OSBPL9: variants seen among roughly 807,000 people sequenced by gnomAD.
OSBPL9 encodes the protein oxysterol-binding protein-related protein 9.
In OSBPL9, 40 loss-of-function variants were observed where a neutral mutation model predicts 106.6. That is an observed-to-expected ratio of 0.38 (90% CI 0.29 to 0.49). The LOEUF is 0.49. Ranked by LOEUF, OSBPL9 falls within the 20% of genes least tolerant of loss-of-function variation. The probability of loss-of-function intolerance (pLI) is 0.97; values close to 1 mark genes in which losing one functional copy is unlikely to be tolerated. For missense variants in OSBPL9, 609 were observed against 887.2 expected, an observed-to-expected ratio of 0.69 and a Z score of 3.98; for synonymous variants, 269 against 295.4, an observed-to-expected ratio of 0.91 and a Z score of 0.92.
At chr1:51,745,670 A>T in intron 5 of OSBPL9, 39 bp downstream of exon 5, 1 of 1,444,240 alleles carries the variant, frequency 6.9e-7, no homozygotes, top group South Asian at 1.6e-5. Context: ...ATATAAATAG[A>T]AAATGTTACT....
chr1:51,629,240 ATT>A (rs1190928536), intron 1 of OSBPL9, among the ~76,000 whole-genome samples: 1 of 152,040 alleles, frequency 6.6e-6, no homozygotes, highest in Admixed American at 6.6e-5. Context: ...TTATTGCTTT[ATT>A]TTGTTTCTCT....
At chr1:51,658,147 C>CA (rs141078871) in intron 2 of OSBPL9, among the ~76,000 whole-genome samples, 23 of 149,880 alleles carry the variant, frequency 1.5e-4, no homozygotes, top group African/African-American at 5.6e-4. Flanking sequence ...GTGGCAAAAA[C>CA]AAATACAGGG....
intron 1 of OSBPL9, among the ~76,000 whole-genome samples, chr1:51,651,320 C>A (rs995242844): frequency 1.3e-5 from 2 of 151,908 alleles, no homozygotes; most frequent in African/African-American, 4.8e-5. Flanking sequence ...TATCTGGGGG[C>A]AGCTGGGTGC....
chr1:51,628,280 A>G (rs1644890849), intron 1 of OSBPL9, among the ~76,000 whole-genome samples: 1 of 152,220 alleles, frequency 6.6e-6, no homozygotes, highest in South Asian at 2.1e-4. Context: ...GATATTCTAC[A>G]ACCTAAAAGC....
At chr1:51,668,563 A>G (rs920376075) in intron 2 of OSBPL9, among the ~76,000 whole-genome samples, 1 of 152,206 alleles carries the variant, frequency 6.6e-6, no homozygotes. Flanking sequence ...TGGAGGTTGC[A>G]GTGAGCCGAG....
chr1:51,591,530 G>A (rs184434599), intron 1 of OSBPL9, among the ~76,000 whole-genome samples: 5 of 152,294 alleles, frequency 3.3e-5, no homozygotes, highest in African/African-American at 1.2e-4. Flanking sequence ...TATCTTGCCG[G>A]GCACAGTGGC....
At chr1:51,529,459 G>A in the OSBPL9 span, among the ~76,000 whole-genome samples, 4 of 151,966 alleles carry the variant, frequency 2.6e-5, no homozygotes, top group Non-Finnish European at 5.9e-5. Context: ...TAGCCAGGAT[G>A]GTCTTGATCT....
At chr1:51,724,535 C>T (rs777517724) in intron 4 of OSBPL9, among the ~76,000 whole-genome samples, 1 of 152,082 alleles carries the variant, frequency 6.6e-6, no homozygotes, top group African/African-American at 2.4e-5. Flanking sequence ...TCGCACATCT[C>T]GGCCTCCCAA....
chr1:51,528,121 G>A, the OSBPL9 span, among the ~76,000 whole-genome samples: 1 of 151,682 alleles, frequency 6.6e-6, no homozygotes. Context: ...GCAAGACTCT[G>A]TCCCAAAAAA....
intron 7 of OSBPL9, chr1:51,749,486 T>G (rs1342213601): frequency 2.3e-6 from 1 of 432,502 alleles, no homozygotes; most frequent in Non-Finnish European, 4.7e-6. Context: ...CTAATTTTTA[T>G]TTTAATTTTT....
intron 3 of OSBPL9, among the ~76,000 whole-genome samples, chr1:51,680,612 G>A (rs1346905897): frequency 6.6e-6 from 1 of 151,950 alleles, no homozygotes; most frequent in Non-Finnish European, 1.5e-5. Context: ...AGTGAGCTGA[G>A]ATTGCACTGC....
At chr1:51,594,489 T>C (rs1212103138) in intron 1 of OSBPL9, among the ~76,000 whole-genome samples, 5 of 152,094 alleles carry the variant, frequency 3.3e-5, no homozygotes, top group Non-Finnish European at 7.4e-5. Flanking sequence ...ACCCCCTTTT[T>C]CCTCCAGGGT....
At chr1:51,730,056 G>A (rs1664018384) in intron 4 of OSBPL9, 3 of 1,284,138 alleles carry the variant, frequency 2.3e-6, no homozygotes, top group Non-Finnish European at 3.0e-6. Flanking sequence ...CTGAGTCCCC[G>A]GGGTCCCGGC....
At chr1:51,535,300 C>T in the OSBPL9 span, among the ~76,000 whole-genome samples, 1 of 152,122 alleles carries the variant, frequency 6.6e-6, no homozygotes, top group East Asian at 1.9e-4. Context: ...CATAGAGTCA[C>T]AAAGGGCCTG....
At chr1:51,556,365 A>G in the OSBPL9 span, among the ~76,000 whole-genome samples, 1,121 of 152,282 alleles carry the variant, frequency 7.4e-3, 10 homozygotes, top group African/African-American at 0.026. Flanking sequence ...AACCAACTGG[A>G]AAGTCTGTAG....
At chr1:51,676,175 C>T (rs374919663) in intron 3 of OSBPL9, among the ~76,000 whole-genome samples, 4 of 151,958 alleles carry the variant, frequency 2.6e-5, no homozygotes, top group Admixed American at 6.6e-5. Context: ...ATTAAGAGGC[C>T]GGGCACTTTG....
intron 6 of OSBPL9, 64 bp from the exon 7 acceptor site, chr1:51,748,305 T>TA: frequency 2.7e-6 from 4 of 1,487,852 alleles, no homozygotes; most frequent in South Asian, 2.8e-5. Context: ...GACTAGCCAG[T>TA]AAAAAATAAC....
chr1:51,753,551 A>G (rs531764987), intron 8 of OSBPL9, among the ~76,000 whole-genome samples: 1 of 152,336 alleles, frequency 6.6e-6, no homozygotes, highest in South Asian at 2.1e-4. Context: ...GCAGACTCTT[A>G]TTCACTGGCA....
At chr1:51,714,159 A>T (rs1269948126) in intron 4 of OSBPL9, 80 bp downstream of exon 4, 693 of 880,068 alleles carry the variant, frequency 7.9e-4, no homozygotes, top group Non-Finnish European at 9.4e-4. Context: ...TTTTTTTTTT[A>T]AATAACTGTG....
Sources: allele counts gnomAD v4.1 joint callset (sites outside exome capture counted in the v4.1 genomes callset), GRCh38; gene constraint gnomAD v4.1.1; transcripts MANE v1.5; gene names NCBI Gene and HGNC (gene_info 2026-07-23, HGNC 2026-07-21).